The following NFIA variants were observed in gnomAD, a reference collection of about 807,000 sequenced individuals.
NFIA encodes nuclear factor 1 A-type.
A neutral mutation model predicts 62.8 loss-of-function variants in NFIA; 8 were observed. That is an observed-to-expected ratio of 0.13 (90% CI 0.07 to 0.23). NFIA has a LOEUF of 0.23. Ranked by LOEUF, NFIA falls within the 10% of genes least tolerant of loss-of-function variation. The probability of loss-of-function intolerance (pLI) is 1.00; values close to 1 mark genes in which losing one functional copy is unlikely to be tolerated. For missense variants in NFIA, 410 were observed against 642.1 expected, an observed-to-expected ratio of 0.64 and a Z score of 3.91; for synonymous variants, 235 against 238.1, an observed-to-expected ratio of 0.99 and a Z score of 0.12.
intron 7 of NFIA, among the ~76,000 whole-genome samples, chr1:61,390,725 G>A (rs2100498439): frequency 6.6e-6 from 1 of 152,300 alleles, no homozygotes; most frequent in East Asian, 1.9e-4. Flanking sequence ...GAGGAGCGGG[G>A]AAGGAGAGGT....
chr1:61,421,646 G>A (rs554341884), intron 9 of NFIA, among the ~76,000 whole-genome samples: 11 of 152,196 alleles, frequency 7.2e-5, no homozygotes, highest in South Asian at 2.1e-4. Context: ...TCCTAGCTGC[G>A]GCCAGAGGAG....
In NFIA at chr1:61,200,031, T is replaced by TAC. The variant is rs1557631898; in HGVS notation, c.560-77488_560-77487insCA. 7.7e-4 allele frequency among the ~76,000 whole-genome samples: 29 copies of TAC among 37,902 alleles called. 1 individual carries two copies. The highest frequency in any genetic ancestry group is 4.1e-3 in the African/African-American group (28 of 6,764). The allele number at this position is 37,902 out of a possible 152,430, so 24.9% of individuals were successfully genotyped here. A position where few individuals can be genotyped will look rare whatever the true frequency, so the allele number is the denominator to read the frequency against. On this transcript the variant is annotated intron_variant, in intron 2 of 10. Coordinates refer to ENST00000403491, the MANE Select transcript of NFIA (RefSeq NM_001134673.4). ...ATATGTATATATATATATATATATA[T>TAC]ATATATATATATATATATATATATA...
chr1:61,341,502 A>G (rs2100410785), intron 4 of NFIA, among the ~76,000 whole-genome samples: 1 of 151,846 alleles, frequency 6.6e-6, no homozygotes, highest in East Asian at 2.0e-4. Flanking sequence ...TTCTTGAGAC[A>G]GAGTCTCACT....
intron 3 of NFIA, among the ~76,000 whole-genome samples, chr1:61,319,832 CACA>C (rs1660579452): frequency 7.7e-6 from 1 of 129,756 alleles, no homozygotes; most frequent in Non-Finnish European, 1.7e-5. Flanking sequence ...CACACACACA[CACA>C]CCAACTTTCA....
At chr1:61,214,973 C>A (rs1653518858) in intron 2 of NFIA, among the ~76,000 whole-genome samples, 1 of 152,140 alleles carries the variant, frequency 6.6e-6, no homozygotes, top group South Asian at 2.1e-4. Context: ...ATACACTCTT[C>A]CCACTTCCCT....
intron 2 of NFIA, among the ~76,000 whole-genome samples, chr1:61,214,631 C>T (rs773176962): frequency 6.6e-6 from 1 of 152,132 alleles, no homozygotes; most frequent in Admixed American, 6.5e-5. Flanking sequence ...TTCCCCAAAT[C>T]ATTAAACGGT....
intron 2 of NFIA, among the ~76,000 whole-genome samples, chr1:61,095,141 C>A (rs188482072): frequency 1.6e-3 from 251 of 152,282 alleles, no homozygotes; most frequent in Admixed American, 3.1e-3. Flanking sequence ...AAACTTACTT[C>A]TTTTCATGTC....
At chr1:61,200,877 C>A (rs909514684) in intron 2 of NFIA, among the ~76,000 whole-genome samples, 1 of 152,154 alleles carries the variant, frequency 6.6e-6, no homozygotes, top group Non-Finnish European at 1.5e-5. Context: ...ATTTAAGTGG[C>A]TTCTGTTATG....
chr1:61,227,699 A>G (rs1359068345), intron 2 of NFIA, among the ~76,000 whole-genome samples: 1 of 152,180 alleles, frequency 6.6e-6, no homozygotes, highest in African/African-American at 2.4e-5. Flanking sequence ...CTAATTTACT[A>G]TATGTTTATG....
chr1:61,362,984 A>G (rs1663380641), intron 6 of NFIA, among the ~76,000 whole-genome samples: 1 of 152,232 alleles, frequency 6.6e-6, no homozygotes, highest in Non-Finnish European at 1.5e-5. Context: ...ACATTGGGTC[A>G]GACACTCATG....
chr1:61,422,269 A>C (rs752216119), intron 9 of NFIA, among the ~76,000 whole-genome samples: 1 of 152,206 alleles, frequency 6.6e-6, no homozygotes, highest in South Asian at 2.1e-4. Flanking sequence ...TCTCAAAAAA[A>C]TAAAGAAACC....
intron 2 of NFIA, among the ~76,000 whole-genome samples, chr1:61,103,163 G>A (rs1646540844): frequency 6.6e-6 from 1 of 152,180 alleles, no homozygotes; most frequent in Admixed American, 6.5e-5. Context: ...GGGAGCATGT[G>A]CAAAGACATA....
intron 2 of NFIA, among the ~76,000 whole-genome samples, chr1:61,273,300 G>GT (rs901115642): frequency 1.3e-5 from 2 of 152,136 alleles, no homozygotes; most frequent in African/African-American, 4.8e-5. Flanking sequence ...GGCCTCCTAT[G>GT]TGTCAGATAC....
At chr1:61,375,117 A>G (rs1355891412) in intron 6 of NFIA, among the ~76,000 whole-genome samples, 2 of 152,160 alleles carry the variant, frequency 1.3e-5, no homozygotes, top group African/African-American at 4.8e-5. Flanking sequence ...GAGATAATCT[A>G]ATTACAAGGT....
At chr1:61,332,700 A>G (rs1661361186) in intron 4 of NFIA, 114 bp downstream of exon 4, 3 of 741,714 alleles carry the variant, frequency 4.0e-6, no homozygotes, top group Non-Finnish European at 6.7e-6. Context: ...TCATTCACCC[A>G]TTGGAAGAAT....
At chr1:61,259,528 T>G (rs1656625823) in intron 2 of NFIA, among the ~76,000 whole-genome samples, 1 of 152,206 alleles carries the variant, frequency 6.6e-6, no homozygotes, top group African/African-American at 2.4e-5. Context: ...AGTCCCATTC[T>G]CAGTAACCAG....
At chr1:61,213,389 A>G (rs1409965555) in intron 2 of NFIA, among the ~76,000 whole-genome samples, 1 of 152,212 alleles carries the variant, frequency 6.6e-6, no homozygotes, top group Non-Finnish European at 1.5e-5. Context: ...ATATGTGTTC[A>G]CATGAAACAG....
chr1:61,309,744 C>T (rs1165788880), intron 3 of NFIA, among the ~76,000 whole-genome samples: 1 of 152,092 alleles, frequency 6.6e-6, no homozygotes, highest in African/African-American at 2.4e-5. Flanking sequence ...CAAAAATTAG[C>T]TGGGTGTGGT....
At chr1:61,292,498 A>G (rs1437234533) in intron 3 of NFIA, among the ~76,000 whole-genome samples, 1 of 152,166 alleles carries the variant, frequency 6.6e-6, no homozygotes, top group African/African-American at 2.4e-5. Context: ...ATCCACATAA[A>G]AGAGAAACCA....
Sources: gnomAD v4.1 joint callset for allele counts (sites outside exome capture counted in the v4.1 genomes callset) on GRCh38, gnomAD v4.1.1 for gene constraint, MANE v1.5 for transcripts, NCBI Gene and HGNC (gene_info 2026-07-23, HGNC 2026-07-21) for gene names.